CPAP: variants seen among roughly 807,000 people sequenced by gnomAD.
CPAP encodes centrosomal P4.1-associated protein.
At chr13:24,897,950 C>T in the CPAP span, among the ~76,000 whole-genome samples, 1 of 152,206 alleles carries the variant, frequency 6.6e-6, no homozygotes, top group Non-Finnish European at 1.5e-5. Context: ...GGCTGGAGTG[C>T]AGTAGCATGA....
At chr13:24,918,426 G>A in the CPAP span, among the ~76,000 whole-genome samples, 1 of 152,088 alleles carries the variant, frequency 6.6e-6, no homozygotes, top group Non-Finnish European at 1.5e-5. Flanking sequence ...AGGGTTAGGG[G>A]GACCAACTCC....
chr13:24,885,164 C>T, the CPAP span: 1 of 725,088 alleles, frequency 1.4e-6, no homozygotes, highest in Non-Finnish European at 2.4e-6. Context: ...CGAGAAATGG[C>T]AACTAAAGGC....
At chr13:24,918,902 G>A in the CPAP span, among the ~76,000 whole-genome samples, 2 of 152,002 alleles carry the variant, frequency 1.3e-5, no homozygotes, top group Admixed American at 1.3e-4. Context: ...CATGTTGTTC[G>A]AGAGTCAACT....
At chr13:24,892,069 T>G in the CPAP span, among the ~76,000 whole-genome samples, 1 of 152,354 alleles carries the variant, frequency 6.6e-6, no homozygotes, top group Admixed American at 6.5e-5. Context: ...ATTACAGTCT[T>G]TCTTCCACCA....
the CPAP span, among the ~76,000 whole-genome samples, chr13:24,917,906 C>T: frequency 6.6e-6 from 1 of 152,162 alleles, no homozygotes; most frequent in Non-Finnish European, 1.5e-5. Context: ...AAATCAGTAA[C>T]CCACTTCTGA....
At chr13:24,903,021 G>A in the CPAP span, among the ~76,000 whole-genome samples, 1 of 152,154 alleles carries the variant, frequency 6.6e-6, no homozygotes, top group Admixed American at 6.6e-5. Flanking sequence ...GTATGTTCCT[G>A]CAACAGAACT....
the CPAP span, among the ~76,000 whole-genome samples, chr13:24,921,020 CCTGT>C: frequency 6.6e-6 from 1 of 152,088 alleles, no homozygotes; most frequent in Non-Finnish European, 1.5e-5. Flanking sequence ...TGGGAGTTGT[CCTGT>C]CTGTGTGAAA....
At chr13:24,912,166 T>G in the CPAP span, 4 of 1,223,818 alleles carry the variant, frequency 3.3e-6, no homozygotes, top group East Asian at 2.3e-5. Flanking sequence ...CTCCTATCTT[T>G]CCTGGTAAGA....
At chr13:24,913,901 GACATAACAGA>G in the CPAP span, among the ~76,000 whole-genome samples, 1 of 152,130 alleles carries the variant, frequency 6.6e-6, no homozygotes, top group African/African-American at 2.4e-5. Flanking sequence ...ACTTAAACAG[GACATAACAGA>G]GAAGATAAGC....
the CPAP span, among the ~76,000 whole-genome samples, chr13:24,932,240 T>A: frequency 6.6e-6 from 1 of 152,198 alleles, no homozygotes; most frequent in African/African-American, 2.4e-5. Flanking sequence ...AGGGAGGCTG[T>A]TAGACGTGAC....
At chr13:24,896,766 T>C in the CPAP span, among the ~76,000 whole-genome samples, 7 of 152,242 alleles carry the variant, frequency 4.6e-5, no homozygotes, top group African/African-American at 1.7e-4. Flanking sequence ...TTATTTATTT[T>C]TTCCCTTTGG....
chr13:24,928,836 G>T, the CPAP span, among the ~76,000 whole-genome samples: 5 of 152,132 alleles, frequency 3.3e-5, no homozygotes. Context: ...TACAACAAAA[G>T]ATCCTGGAAA....
chr13:24,895,399 C>G, the CPAP span, among the ~76,000 whole-genome samples: 1 of 151,718 alleles, frequency 6.6e-6, no homozygotes, highest in Non-Finnish European at 1.5e-5. Flanking sequence ...CACGGTGAAA[C>G]CCCGTCTCTA....
At chr13:24,904,103 T>TGCA in the CPAP span, 1 of 1,609,936 alleles carries the variant, frequency 6.2e-7, no homozygotes, top group African/African-American at 1.3e-5. Context: ...AAGGCATTAC[T>TGCA]GCAGCAAAAA....
the CPAP span, among the ~76,000 whole-genome samples, chr13:24,918,040 G>T: frequency 0.35 from 53,057 of 152,102 alleles, 9,516 homozygotes; most frequent in East Asian, 0.49. Context: ...GGAGCGGACA[G>T]TCAAGCCATA....
At chr13:24,908,054 T>C in the CPAP span, 2 of 1,613,104 alleles carry the variant, frequency 1.2e-6, no homozygotes, top group Non-Finnish European at 8.5e-7. Flanking sequence ...GGAATCATCA[T>C]GTTTTTGTAA....
the CPAP span, among the ~76,000 whole-genome samples, chr13:24,895,183 C>G: frequency 6.6e-6 from 1 of 152,266 alleles, no homozygotes; most frequent in African/African-American, 2.4e-5. Flanking sequence ...GAAGGCGCAG[C>G]CGGCTCTGTC....
the CPAP span, among the ~76,000 whole-genome samples, chr13:24,894,106 C>T: frequency 1.8e-4 from 28 of 151,988 alleles, no homozygotes; most frequent in East Asian, 1.9e-3. Context: ...GGGACCAGCG[C>T]AGATGACAAG....
chr13:24,886,855 A>G, the CPAP span, among the ~76,000 whole-genome samples: 1 of 152,224 alleles, frequency 6.6e-6, no homozygotes, highest in Non-Finnish European at 1.5e-5. Context: ...ATTCAAACCC[A>G]CTATATATCA....
Sources: allele counts gnomAD v4.1 joint callset (sites outside exome capture counted in the v4.1 genomes callset), GRCh38; gene constraint gnomAD v4.1.1; transcripts MANE v1.5; gene names NCBI Gene and HGNC (gene_info 2026-07-23, HGNC 2026-07-21).